Variants in GLRA2 observed in about 807,000 individuals in gnomAD.
GLRA2 encodes glycine receptor subunit alpha-2.
A neutral mutation model predicts 31.6 loss-of-function variants in GLRA2; 11 were observed. The ratio of observed to expected loss-of-function variants is 0.35; its 90% CI spans 0.22 to 0.58. The LOEUF (loss-of-function observed/expected upper bound fraction) is 0.58, where lower values mean the gene tolerates loss of function less well. Ranked by LOEUF, GLRA2 falls within the 20% of genes least tolerant of loss-of-function variation. GLRA2 has a pLI of 0.84. For missense variants in GLRA2, 212 were observed against 351.8 expected, an observed-to-expected ratio of 0.60 and a Z score of 3.18; for synonymous variants, 132 against 134.0, an observed-to-expected ratio of 0.99 and a Z score of 0.10.
chrX:14,521,636 C>T, the GLRA2 span, among the ~76,000 whole-genome samples: 1 of 111,328 alleles, frequency 9.0e-6, no homozygotes, highest in Non-Finnish European at 1.9e-5. Context: ...GTGCATGAGC[C>T]ATTACCCCAA....
chrX:14,513,714 A>G, the GLRA2 span, among the ~76,000 whole-genome samples: 25 of 111,781 alleles, frequency 2.2e-4, no homozygotes, highest in African/African-American at 6.5e-4. Context: ...AACACAATGC[A>G]ATACCACCTT....
At chrX:14,476,417 A>C in the GLRA2 span, among the ~76,000 whole-genome samples, 2 of 111,768 alleles carry the variant, frequency 1.8e-5, no homozygotes, top group Admixed American at 1.9e-4. Flanking sequence ...TCTTACTGGC[A>C]TGTTTCCTGA....
the GLRA2 span, among the ~76,000 whole-genome samples, chrX:14,487,521 T>G: frequency 9.0e-6 from 1 of 111,041 alleles, no homozygotes; most frequent in Non-Finnish European, 1.9e-5. Context: ...TTAACAAATT[T>G]GTTGGACTTC....
At chrX:14,688,677 C>T (rs973492331) in intron 7 of GLRA2, among the ~76,000 whole-genome samples, 2 of 110,804 alleles carry the variant, frequency 1.8e-5, no homozygotes, top group Non-Finnish European at 3.8e-5. Context: ...GGGAGTGACC[C>T]GATTTTCCAG....
chrX:14,681,272 A>G (rs1454972049), intron 7 of GLRA2, among the ~76,000 whole-genome samples: 1 of 112,242 alleles, frequency 8.9e-6, no homozygotes, highest in Non-Finnish European at 1.9e-5. Context: ...AATCGTGGGT[A>G]ACAGTATATC....
intron 7 of GLRA2, among the ~76,000 whole-genome samples, chrX:14,677,950 C>G (rs1016389854): frequency 8.9e-6 from 1 of 111,955 alleles, no homozygotes; most frequent in East Asian, 2.8e-4. Flanking sequence ...CTGGATAAGT[C>G]TTTGTTTTGG....
chrX:14,523,482 A>T, the GLRA2 span, among the ~76,000 whole-genome samples: 1 of 112,028 alleles, frequency 8.9e-6, no homozygotes, highest in African/African-American at 3.2e-5. Flanking sequence ...CTTTGCATTC[A>T]TGACTTGGCT....
intron 7 of GLRA2, among the ~76,000 whole-genome samples, chrX:14,678,161 G>T (rs1601822773): frequency 8.9e-6 from 1 of 111,872 alleles, no homozygotes; most frequent in South Asian, 3.7e-4. Context: ...CTTACTCAGG[G>T]CTAAGCAAAA....
chrX:14,458,182 C>A, the GLRA2 span, among the ~76,000 whole-genome samples: 16 of 110,854 alleles, frequency 1.4e-4, no homozygotes, highest in Non-Finnish European at 2.5e-4. Flanking sequence ...TCATCCATGT[C>A]CCTACAAAGG....
chrX:14,507,775 C>T, the GLRA2 span, among the ~76,000 whole-genome samples: 1 of 94,236 alleles, frequency 1.1e-5, no homozygotes, highest in Non-Finnish European at 2.1e-5. Context: ...CTCACTGCAA[C>T]CTCCGCCTCC....
At chrX:14,534,212 TG>T (rs1386880687) in intron 2 of GLRA2, among the ~76,000 whole-genome samples, 4 of 92,149 alleles carry the variant, frequency 4.3e-5, no homozygotes, top group East Asian at 3.1e-4. Context: ...AGTGTGGCCA[TG>T]TTTTTTTTTT....
intron 2 of GLRA2, among the ~76,000 whole-genome samples, chrX:14,538,206 T>C (rs369886746): frequency 7.2e-5 from 8 of 110,783 alleles, no homozygotes; most frequent in East Asian, 5.8e-4. Context: ...AGGTTCAAGT[T>C]CTGGTTCAGC....
At chrX:14,644,708 G>A (rs1327605951) in intron 7 of GLRA2, among the ~76,000 whole-genome samples, 1 of 111,655 alleles carries the variant, frequency 9.0e-6, no homozygotes, top group Admixed American at 9.5e-5. Flanking sequence ...AATAAAACTA[G>A]AAGGCTTGTT....
At chrX:14,730,159 A>C (rs1171977782) in intron 8 of GLRA2, 48 bp from the exon 9 acceptor site, 1 of 1,003,768 alleles carries the variant, frequency 1.0e-6, no homozygotes, top group Admixed American at 2.3e-5. Flanking sequence ...TCTTCCATCT[A>C]ACTTGACTGA....
intron 4 of GLRA2, among the ~76,000 whole-genome samples, chrX:14,601,113 C>T (rs3027381): frequency 9.1e-6 from 1 of 109,554 alleles, no homozygotes; most frequent in Non-Finnish European, 1.9e-5. Flanking sequence ...AAAACAAAGT[C>T]TTTATGCTGG....
At chrX:14,569,984 G>C (rs2089862002) in intron 2 of GLRA2, among the ~76,000 whole-genome samples, 1 of 112,047 alleles carries the variant, frequency 8.9e-6, no homozygotes, top group African/African-American at 3.2e-5. Context: ...TGCTATAAAA[G>C]AAATCAGTCA....
intron 7 of GLRA2, among the ~76,000 whole-genome samples, chrX:14,659,436 G>A (rs1171769753): frequency 9.2e-6 from 1 of 108,629 alleles, no homozygotes; most frequent in African/African-American, 3.3e-5. Context: ...CTACTTATAG[G>A]ATTTAAAGCA....
the GLRA2 span, among the ~76,000 whole-genome samples, chrX:14,455,584 T>A: frequency 9.0e-6 from 1 of 111,695 alleles, no homozygotes; most frequent in Non-Finnish European, 1.9e-5. Flanking sequence ...GAAAAATAGT[T>A]TCATGGTAGG....
At chrX:14,493,164 C>T in the GLRA2 span, among the ~76,000 whole-genome samples, 1 of 110,669 alleles carries the variant, frequency 9.0e-6, no homozygotes, top group Non-Finnish European at 1.9e-5. Flanking sequence ...AAAATGAAAA[C>T]TATATTCACA....
Sources: allele counts gnomAD v4.1 joint callset (sites outside exome capture counted in the v4.1 genomes callset), GRCh38; gene constraint gnomAD v4.1.1; transcripts MANE v1.5; gene names NCBI Gene and HGNC (gene_info 2026-07-23, HGNC 2026-07-21).